The following IL11RA variants were observed in gnomAD, a reference collection of about 807,000 sequenced individuals.
IL11RA encodes interleukin 11 receptor subunit alpha, also known as interleukin-11 receptor subunit alpha.
A neutral mutation model predicts 57.0 loss-of-function variants in IL11RA; 51 were observed. That is an observed-to-expected ratio of 0.89 (90% CI 0.71 to 1.13). IL11RA has a LOEUF of 1.13. IL11RA is among the 50% of genes most tolerant of loss of function. The pLI is 0.00. For synonymous variants in IL11RA, 199 were observed against 217.5 expected (o/e 0.91, Z 0.75); for missense variants, 498 against 539.4 (o/e 0.92, Z 0.76).
intron 12 of IL11RA, 86 bp from the exon 13 acceptor site, chr9:34,661,396 A>C: frequency 7.0e-7 from 1 of 1,429,928 alleles, no homozygotes; most frequent in East Asian, 2.3e-5. Context: ...TTAAGCTTAG[A>C]ACTGAGTCAC....
At chr9:34,657,695 T>C in intron 7 of IL11RA, 108 bp downstream of exon 7, 2 of 1,111,048 alleles carry the variant, frequency 1.8e-6, no homozygotes, top group East Asian at 5.1e-5. Flanking sequence ...CTAGACTCCA[T>C]TTCACACAGA....
chr9:34,660,361 G>C lies in IL11RA; in HGVS notation c.1040G>C (p.Arg347Thr). Residue 347 changes from arginine to threonine, a missense_variant, in exon 10 of 13, where the codon AGG becomes ACG. By Grantham distance (71) the Arg-to-Thr change is moderately conservative (BLOSUM62 -1). Transcript: ENST00000441545. ...EPQVDSPAPP[R>T]PSLQPHPRLL... ...CAGGTGGACAGCCCTGCTCCTCCAA[G>C]GCCCTCCCTCCAACCACACCCTCGG... 6.2e-7 allele frequency: 1 copy of C among 1,614,174 alleles called. No individual in the cohort carries two copies. The highest frequency in any genetic ancestry group is 8.5e-7 in the Non-Finnish European group (1 of 1,179,990).
In IL11RA at chr9:34,657,461, C is replaced by G. The variant is rs1821368200; in HGVS notation, c.520C>G (p.Pro174Ala). Residue 174 changes from proline (P) to alanine (A), a missense_variant, in exon 7 of 13, where the codon CCC becomes GCC. Physicochemically the swap from Pro to Ala is conservative, Grantham distance 27 (BLOSUM62 -1). Coordinates refer to ENST00000441545, the MANE Select transcript of IL11RA (RefSeq NM_001142784.3). ...AGGGCCCTGGCCATGCCCACAGGAT[C>G]CCCTAGGGGCTGCCCGCTGTGTTGT... ...STGPWPCPQD[P>A]LGAARCVVHG... 1 of 1,614,196 alleles carries G rather than the reference C, an allele frequency of 6.2e-7. No homozygotes were observed. The highest frequency in any genetic ancestry group is 8.5e-7 in the Non-Finnish European group (1 of 1,180,002).
rs387906784 is a variant in IL11RA, at chr9:34,659,834, C to T, written c.886C>T (p.Arg296Trp). 3.2e-5 allele frequency: 51 copies of T among 1,614,014 alleles called. No homozygotes were observed. Among genetic ancestry groups the T allele is most frequent in the Middle Eastern group, 1.6e-4 (1 of 6,084 alleles). ...GCCCCATGCTGTACGAGTCAGTGCCCGGGACTTTCTAGATGCTGGCACCTG... is the reference window on the plus strand; with the variant it reads ...GCCCCATGCTGTACGAGTCAGTGCCTGGGACTTTCTAGATGCTGGCACCTG... Reference protein sequence around the residue: ...GLPHAVRVSARDFLDAGTWST... With the variant: ...GLPHAVRVSAWDFLDAGTWST... Residue 296 changes from arginine to tryptophan, a missense_variant, in exon 9 of 13, where the codon CGG (arginine) becomes TGG (tryptophan). Transcript: ENST00000441545.
intron 9 of IL11RA, 35 bp from the exon 10 acceptor site, chr9:34,660,239 C>T (rs745502578): frequency 1.1e-5 from 18 of 1,613,932 alleles, no homozygotes; most frequent in East Asian, 8.9e-5. Context: ...TCCCCACCAG[C>T]GTATGGACAC....
Position 34,658,606 on chromosome 9 carries a change from T to C in IL11RA, c.733T>C (p.Ser245Pro), listed in dbSNP as rs1821393428. Residue 245 changes from serine to proline, a missense_variant, in exon 8 of 13, where the codon TCC (serine) becomes CCC (proline). Coordinates refer to ENST00000441545, the MANE Select transcript of IL11RA (RefSeq NM_001142784.3). This position sits in a 1 kb window ranked among gnomAD's most constrained non-coding sequence, Gnocchi z 4.0. The part of the protein sequence containing the change: ...RLRASWTYPA[S>P]WPCQPHFLLK... Reference sequence around the variant, plus strand: ...GCGAGCCAGCTGGACATACCCTGCCTCCTGGCCGTGCCAGCCCCACTTCCT... The same window carrying C: ...GCGAGCCAGCTGGACATACCCTGCCCCCTGGCCGTGCCAGCCCCACTTCCT... The C allele has an allele frequency of 6.2e-7, 1 of 1,613,994 alleles. No homozygotes were observed. The highest frequency in any genetic ancestry group is 1.3e-5 in the African/African-American group (1 of 74,924).
chr9:34,660,210 G>T, intron 9 of IL11RA, 64 bp from the exon 10 acceptor site: 4 of 1,613,232 alleles, frequency 2.5e-6, no homozygotes, highest in Non-Finnish European at 3.4e-6. Flanking sequence ...TTGGCCTTGA[G>T]CACAGGACGT....
At position 34,661,589 on chromosome 9, in the gene IL11RA, G is replaced by A; in HGVS notation, c.*91G>A. 1 of 1,359,630 alleles carries A rather than the reference G, an allele frequency of 7.4e-7. No individual in the cohort carries two copies. The highest frequency in any genetic ancestry group is 1.1e-6 in the Non-Finnish European group (1 of 948,086). 84.2% of individuals were successfully genotyped at this position (1,359,630 alleles called of 1,614,324 possible). A position where few individuals can be genotyped will look rare whatever the true frequency, so the allele number is the denominator to read the frequency against. On this transcript the variant is annotated 3_prime_UTR_variant, in exon 13 of 13. Coordinates refer to ENST00000441545, the MANE Select transcript of IL11RA (RefSeq NM_001142784.3). ...GGCAGGACAGTAGATCCCTATGGTT[G>A]GATCTCAGCTGGAAGTTCTGTTTGG... is the stretch of plus-strand genomic sequence containing the variant.
rs1410431911 is a variant in IL11RA at position 34,653,115 on chromosome 9, G to A, written c.-1+882G>A. On this transcript the variant is annotated intron_variant, in intron 1 of 12. Transcript: ENST00000441545. The surrounding 1 kb of genome is among the most constrained non-coding windows in gnomAD (Gnocchi z 4.5). ...GGCCTGTAACAGTGATGAGATGCGG[G>A]TCTGCCCCGGCTAAGAGCTCCCTGA... Among the ~76,000 whole-genome samples the A allele has an allele frequency of 6.6e-6, 1 of 152,128 alleles. No homozygotes were observed. The highest frequency in any genetic ancestry group is 1.5e-5 in the Non-Finnish European group (1 of 68,034).
Position 34,659,888 on chromosome 9 carries a change from A to T in IL11RA, c.940A>T (p.Thr314Ser). The change falls in exon 9 of 13, where the codon ACT (threonine) becomes TCT (serine). Residue 314 changes from threonine to serine, a missense_variant. By Grantham distance (58) the Thr-to-Ser change is moderately conservative. Coordinates refer to ENST00000441545, the MANE Select transcript of IL11RA (RefSeq NM_001142784.3). ...WSTWSPEAWGTPSTGTIPKEI... is the reference protein window; with the variant it reads ...WSTWSPEAWGSPSTGTIPKEI... ...CACCTGGAGCCCGGAGGCCTGGGGA[A>T]CTCCGAGCACTGGTGAGAGACAAAG... 1.2e-6 allele frequency: 2 copies of T among 1,614,098 alleles called. No homozygotes were observed. The highest frequency in any genetic ancestry group is 1.7e-6 in the Non-Finnish European group (2 of 1,179,998).
At chr9:34,659,976 A>C (rs1821421538) in intron 9 of IL11RA, 76 bp downstream of exon 9, 2 of 1,561,270 alleles carry the variant, frequency 1.3e-6, no homozygotes, top group Admixed American at 1.8e-5. Flanking sequence ...TCCAAAAGAC[A>C]GGCAGGTGGC....
At position 34,656,848 on chromosome 9, in the gene IL11RA, A is replaced by G. The variant is rs781388768; in HGVS notation, c.271A>G (p.Thr91Ala). The change falls in exon 4 of 13, where the codon ACC becomes GCC. Residue 91 changes from threonine (T) to alanine (A), a missense_variant. Thr to Ala is a moderately conservative substitution (Grantham distance 58). Transcript: ENST00000441545. ...LAQADSTDEG[T>A]YICQTLDGAL... ...CCAGGCAGACAGCACTGATGAGGGC[A>G]CCTACATCTGCCAGACCCTGGATGG... 2 of 1,614,128 alleles carry G rather than the reference A, an allele frequency of 1.2e-6. No homozygotes were observed. Among genetic ancestry groups the G allele is most frequent in the South Asian group, 2.2e-5 (2 of 91,072 alleles).
Position 34,655,270 on chromosome 9 carries a change from C to T in IL11RA, c.53C>T (p.Ala18Val). The change falls in exon 2 of 13, where the codon GCC becomes GTC. Residue 18 changes from alanine (A) to valine (V), a missense_variant. Transcript: ENST00000441545. The part of the protein sequence containing the change: ...LSRVLVAVAT[A>V]LVSASSPCPQ... The stretch of plus-strand genomic sequence containing the variant: ...AGGGTCCTGGTGGCCGTGGCTACAG[C>T]CCTGGTGTCTGCCTCCTCCCCCTGC... The T allele has an allele frequency of 6.2e-7, 1 of 1,611,870 alleles. No individual in the cohort carries two copies. Among genetic ancestry groups the T allele is most frequent in the Non-Finnish European group, 8.5e-7 (1 of 1,179,178 alleles).
rs560967238 is a variant in IL11RA at position 34,657,360 on chromosome 9, G to C, written c.479+25G>C. 4.1e-5 allele frequency: 66 copies of C among 1,614,074 alleles called. No homozygotes were observed. In the Middle Eastern group the frequency reaches 2.0e-3, roughly 48 times the overall value. On this transcript the variant is annotated intron_variant, in intron 6 of 12. Transcript: ENST00000441545. ...GGTAGGACGTGAGGGAGCATGTGGG[G>C]GCTCCAGCTGGGTCCCACAGTAGGC...
intron 7 of IL11RA, 35 bp downstream of exon 7, chr9:34,657,622 A>T: frequency 6.5e-7 from 1 of 1,547,618 alleles, no homozygotes; most frequent in South Asian, 1.1e-5. Flanking sequence ...CCAGACCCCC[A>T]TCACAGAGAC....
rs139902799 is a variant in IL11RA at position 34,657,439 on chromosome 9, G to C, written c.498G>C (p.Gly166=). The change falls in exon 7 of 13, where the codon GGG becomes GGC. Residue 166 remains glycine, a synonymous_variant. Transcript: ENST00000441545. ...ADSQRRSPST[G]PWPCPQDPLG... is the part of the protein sequence containing the mutation. ...CTTCTAGGAGGAGTCCATCCACAGG[G>C]CCCTGGCCATGCCCACAGGATCCCC... The C allele has an allele frequency of 8.9e-5, 143 of 1,614,012 alleles. No homozygotes were observed. Among genetic ancestry groups the C allele is most frequent in the Non-Finnish European group, 1.1e-4 (131 of 1,180,014 alleles).
chr9:34,656,224 C>T (rs974743263), intron 3 of IL11RA, among the ~76,000 whole-genome samples: 9 of 151,868 alleles, frequency 5.9e-5, no homozygotes, highest in African/African-American at 2.2e-4. Context: ...TTAGTAGAGA[C>T]GGGGTTTTAC....
In IL11RA at chr9:34,657,558, G is replaced by C; in HGVS notation, c.617G>C (p.Arg206Pro). 1 of 1,614,150 alleles carries C rather than the reference G, an allele frequency of 6.2e-7. No homozygotes were observed. The highest frequency in any genetic ancestry group is 1.3e-5 in the African/African-American group (1 of 75,014). Reference sequence around the variant, plus strand: ...GTGAACCCACTGGGTGCCAGCACACGCCTGCTGGATGTGAGCTTGCAGAGC... The same window carrying C: ...GTGAACCCACTGGGTGCCAGCACACCCCTGCTGGATGTGAGCTTGCAGAGC... ...TEVNPLGAST[R>P]LLDVSLQSIL... is the part of the protein sequence containing the mutation. The change falls in exon 7 of 13, where the codon CGC becomes CCC. Residue 206 changes from arginine (R) to proline (P), a missense_variant. Coordinates refer to ENST00000441545, the MANE Select transcript of IL11RA (RefSeq NM_001142784.3).
intron 7 of IL11RA, 30 bp downstream of exon 7, chr9:34,657,617 C>A: frequency 1.9e-6 from 3 of 1,605,140 alleles, no homozygotes. Flanking sequence ...CTCCCCCAGA[C>A]CCCCATCACA....
Sources: gnomAD v4.1 joint callset for allele counts (sites outside exome capture counted in the v4.1 genomes callset) on GRCh38, gnomAD v4.1.1 for gene constraint, Gnocchi (gnomAD v3.1) non-coding constraint, MANE v1.5 for transcripts, NCBI Gene and HGNC (gene_info 2026-07-23, HGNC 2026-07-21) for gene names.